CABCOCO1: variants seen among roughly 807,000 people sequenced by gnomAD.
CABCOCO1 encodes the protein ciliary-associated calcium-binding coiled-coil protein 1.
Under a neutral mutation model 35.7 loss-of-function variants are expected in CABCOCO1, and 28 were observed. That is an observed-to-expected ratio of 0.78 (90% confidence interval 0.58 to 1.07). CABCOCO1 has a LOEUF of 1.07. Ranked by LOEUF, CABCOCO1 falls within the 50% of genes least tolerant of loss-of-function variation. The pLI is 0.00. For synonymous variants in CABCOCO1, 95 were observed against 100.1 expected, an observed-to-expected ratio of 0.95 and a Z score of 0.30; for missense variants, 326 against 309.2, an observed-to-expected ratio of 1.05 and a Z score of -0.41.
intron 5 of CABCOCO1, 119 bp downstream of exon 5, chr10:61,690,740 A>G (rs1840112926): frequency 1.7e-6 from 1 of 578,224 alleles, no homozygotes; most frequent in Non-Finnish European, 3.0e-6. Flanking sequence ...GTGTTAATAT[A>G]ATCAACTCGT....
chr10:61,734,958 A>G (rs1378672974), intron 5 of CABCOCO1, among the ~76,000 whole-genome samples: 1 of 152,148 alleles, frequency 6.6e-6, no homozygotes, highest in African/African-American at 2.4e-5. Context: ...ACCTAAAAGT[A>G]ACCTTAAAAT....
chr10:61,724,128 A>C (rs1380142566), intron 5 of CABCOCO1, among the ~76,000 whole-genome samples: 1 of 152,220 alleles, frequency 6.6e-6, no homozygotes, highest in African/African-American at 2.4e-5. Context: ...CCAAATGATC[A>C]AACTATATAC....
chr10:61,731,628 T>C (rs1468073815), intron 5 of CABCOCO1, among the ~76,000 whole-genome samples: 21 of 151,986 alleles, frequency 1.4e-4, no homozygotes, highest in African/African-American at 4.3e-4. Flanking sequence ...TTTTGATTAG[T>C]GCTTAATGGA....
At chr10:61,667,190 T>A (rs1428023662) in intron 1 of CABCOCO1, among the ~76,000 whole-genome samples, 2 of 146,118 alleles carry the variant, frequency 1.4e-5, no homozygotes, top group African/African-American at 2.5e-5. Context: ...ATATTATATA[T>A]AAATATAATT....
intron 5 of CABCOCO1, among the ~76,000 whole-genome samples, chr10:61,691,363 C>T (rs1050265528): frequency 3.3e-5 from 5 of 152,246 alleles, no homozygotes; most frequent in Non-Finnish European, 7.4e-5. Context: ...CAATTTAGTG[C>T]ATAGGACAGC....
chr10:61,707,801 T>C (rs1477835298), intron 5 of CABCOCO1, among the ~76,000 whole-genome samples: 2 of 152,146 alleles, frequency 1.3e-5, no homozygotes, highest in African/African-American at 4.8e-5. Flanking sequence ...GAATGTACTC[T>C]GCATAATTGA....
At chr10:61,706,559 G>A (rs915933950) in intron 5 of CABCOCO1, among the ~76,000 whole-genome samples, 1 of 152,080 alleles carries the variant, frequency 6.6e-6, no homozygotes, top group Non-Finnish European at 1.5e-5. Context: ...TCCCAAATGC[G>A]TTTTAAATAA....
At position 61,722,697 on chromosome 10, in the gene CABCOCO1, A is replaced by G. The variant is rs778676441; in HGVS notation, c.552+32076A>G. Among the ~76,000 whole-genome samples, 386 of 152,190 alleles carry G rather than the reference A, an allele frequency of 2.5e-3. 2 individuals carry two copies. The highest frequency in any genetic ancestry group is 3.2e-3 in the Non-Finnish European group (220 of 67,994). On this transcript the variant is annotated intron_variant, in intron 5 of 7. Transcript: ENST00000648843. ...GCTTCTTCTAAAAAAAAAACTGGTAAAATACTAGCTAGCCTAAATTTTAAA... is the reference window on the plus strand; with the variant it reads ...GCTTCTTCTAAAAAAAAAACTGGTAGAATACTAGCTAGCCTAAATTTTAAA...
chr10:61,699,738 T>C (rs1410727118), intron 5 of CABCOCO1, among the ~76,000 whole-genome samples: 2 of 152,118 alleles, frequency 1.3e-5, no homozygotes, highest in Non-Finnish European at 2.9e-5. Flanking sequence ...CAACATTAAA[T>C]GTCTTGTTCA....
intron 5 of CABCOCO1, among the ~76,000 whole-genome samples, chr10:61,739,535 T>C (rs1247333986): frequency 6.6e-6 from 1 of 150,850 alleles, no homozygotes; most frequent in East Asian, 1.9e-4. Flanking sequence ...GGCAATGTTA[T>C]AACAACATTT....
At chr10:61,765,791 G>T in intron 7 of CABCOCO1, 148 bp from the exon 8 acceptor site, 1 of 650,246 alleles carries the variant, frequency 1.5e-6, no homozygotes, top group African/African-American at 1.8e-5. Context: ...CATCACTACA[G>T]GCTGAAACAC....
At chr10:61,758,718 A>G (rs1841948328) in intron 5 of CABCOCO1, among the ~76,000 whole-genome samples, 1 of 152,076 alleles carries the variant, frequency 6.6e-6, no homozygotes, top group South Asian at 2.1e-4. Context: ...CCTTAGGCCA[A>G]TCATTTAACC....
chr10:61,698,132 A>G (rs1840343607), intron 5 of CABCOCO1, among the ~76,000 whole-genome samples: 1 of 152,192 alleles, frequency 6.6e-6, no homozygotes, highest in South Asian at 2.1e-4. Flanking sequence ...ATGCATTTCA[A>G]TACACACACA....
In CABCOCO1 at chr10:61,676,471, T is replaced by C. The variant is rs112118017; in HGVS notation, c.164+3736T>C. Among the ~76,000 whole-genome samples the C allele has an allele frequency of 7.3e-3, 1,114 of 152,298 alleles. 15 individuals carry two copies. Among genetic ancestry groups the C allele is most frequent in the African/African-American group, 0.026 (1,062 of 41,562 alleles). On this transcript the variant is annotated intron_variant, in intron 2 of 7. Transcript: ENST00000648843. ...AAAAAAGTAATTGAATTTCCTTTTC[T>C]CACCAAAATAAAATTGAATTGAAGC...
At chr10:61,725,378 G>T (rs1443932993) in intron 5 of CABCOCO1, among the ~76,000 whole-genome samples, 1 of 152,170 alleles carries the variant, frequency 6.6e-6, no homozygotes, top group Non-Finnish European at 1.5e-5. Context: ...ATCAATGATA[G>T]ACTGGATTAA....
chr10:61,679,888 G>GA (rs1278783754), intron 2 of CABCOCO1, among the ~76,000 whole-genome samples: 2 of 151,716 alleles, frequency 1.3e-5, no homozygotes, highest in Non-Finnish European at 2.9e-5. Flanking sequence ...AAGAGATAAA[G>GA]AAATAAAAGA....
At chr10:61,697,264 A>G (rs1840320644) in intron 5 of CABCOCO1, among the ~76,000 whole-genome samples, 1 of 152,116 alleles carries the variant, frequency 6.6e-6, no homozygotes, top group East Asian at 1.9e-4. Context: ...GAAGGGAAAT[A>G]CTTTATTTAA....
intron 5 of CABCOCO1, among the ~76,000 whole-genome samples, chr10:61,745,104 C>A (rs1326693747): frequency 6.6e-6 from 1 of 152,164 alleles, no homozygotes; most frequent in Non-Finnish European, 1.5e-5. Flanking sequence ...ATTTTTATAT[C>A]TAGCTATCAA....
chr10:61,758,404 G>A (rs1841942346), intron 5 of CABCOCO1, among the ~76,000 whole-genome samples: 1 of 152,058 alleles, frequency 6.6e-6, no homozygotes. Context: ...ATCATTTCGT[G>A]GGAAGGTGAA....
Sources: allele counts gnomAD v4.1 joint callset (sites outside exome capture counted in the v4.1 genomes callset), GRCh38; gene constraint gnomAD v4.1.1; transcripts MANE v1.5; gene names NCBI Gene and HGNC (gene_info 2026-07-23, HGNC 2026-07-21).